The following KAZN variants were observed in gnomAD, a reference collection of about 807,000 sequenced individuals.
KAZN encodes kazrin.
In KAZN, 40 loss-of-function variants were observed where a neutral mutation model predicts 87.4. The observed-to-expected ratio is 0.46, with a 90% CI of 0.36 to 0.60. KAZN has a LOEUF of 0.60. KAZN is among the 20% of genes least tolerant of loss of function. The pLI, the probability that KAZN is intolerant of heterozygous loss-of-function variation, is 0.00. For synonymous variants in KAZN, 466 were observed against 458.3 expected (o/e 1.02, Z -0.22); for missense variants, 898 against 1,073.9 (o/e 0.84, Z 2.29).
chr1:15,044,397 C>G (rs985889185), intron 4 of KAZN, among the ~76,000 whole-genome samples: 7 of 152,100 alleles, frequency 4.6e-5, no homozygotes, highest in African/African-American at 1.7e-4. Context: ...TGCCTTGGGC[C>G]CAGGGAGTGT....
intron 2 of KAZN, among the ~76,000 whole-genome samples, chr1:14,465,265 G>A (rs1668059695): frequency 6.6e-6 from 1 of 152,002 alleles, no homozygotes; most frequent in Non-Finnish European, 1.5e-5. Context: ...CAGGCATGGT[G>A]GAGGGCGCCT....
chr1:14,911,166 G>A (rs749444170), intron 1 of KAZN, among the ~76,000 whole-genome samples: 4 of 152,312 alleles, frequency 2.6e-5, no homozygotes, highest in Non-Finnish European at 4.4e-5. Flanking sequence ...TCTAAATTCC[G>A]AGGGAGAGAG....
rs797001404 is a variant in KAZN, at chr1:14,133,373, AAAAAAAAG to A, written c.92-47058_92-47051del. Among the ~76,000 whole-genome samples, 74 of 72,952 alleles carry A rather than the reference AAAAAAAAG, an allele frequency of 1.0e-3. 2 individuals carry two copies. The East Asian group carries it at 0.035, about 34-fold the overall frequency. 47.9% of individuals were successfully genotyped at this position (72,952 alleles called of 152,430 possible). A position where few individuals can be genotyped will look rare whatever the true frequency, so the allele number is the denominator to read the frequency against. On this transcript the variant is annotated intron_variant, in intron 1 of 16. Coordinates refer to the KAZN transcript ENST00000636203. ...AGAGTGAGACTCCCTCTCAAAAAAA[AAAAAAAAG>A]AAAGAAAGAAAGAAAGAAAGAAAGA...
rs1051708781 is a variant in KAZN, at chr1:15,104,121, C to T, written c.1980C>T (p.Ile660=). Reference sequence around the variant, plus strand: ...AGGCCATGGCCACTGCCCTGGGCATCCCCAGTGGGAAGCACATCCTCCGGA... The same window carrying T: ...AGGCCATGGCCACTGCCCTGGGCATTCCCAGTGGGAAGCACATCCTCCGGA... ...NAEAMATALG[I]PSGKHILRRH... The change falls in exon 13 of 15, where the codon ATC becomes ATT. Residue 660 remains isoleucine, a synonymous_variant. Transcript: ENST00000376030. 3.7e-6 allele frequency: 6 copies of T among 1,610,416 alleles called. No homozygotes were observed. Among genetic ancestry groups the T allele is most frequent in the East Asian group, 2.2e-5 (1 of 44,776 alleles).
chr1:14,364,310 A>G (rs958616682), intron 2 of KAZN, among the ~76,000 whole-genome samples: 1 of 152,100 alleles, frequency 6.6e-6, no homozygotes, highest in Admixed American at 6.5e-5. Context: ...CGATTTACTA[A>G]TCTATGCCTC....
chr1:14,595,116 C>G (rs946841233), upstream of KAZN, among the ~76,000 whole-genome samples: 3 of 148,254 alleles, frequency 2.0e-5, no homozygotes, highest in Non-Finnish European at 3.0e-5. Context: ...TATGCTCCAG[C>G]CTGGGAGACA....
intron 1 of KAZN, among the ~76,000 whole-genome samples, chr1:14,713,775 C>CAAAAAAAAAA (rs58947119): frequency 1.4e-4 from 13 of 94,616 alleles, no homozygotes; most frequent in African/African-American, 4.2e-4. Context: ...CTCATCTCTA[C>CAAAAAAAAAA]AAAAAAAAAA....
At chr1:14,622,912 A>G (rs1678826496) in intron 1 of KAZN, among the ~76,000 whole-genome samples, 1 of 146,216 alleles carries the variant, frequency 6.8e-6, no homozygotes, top group Non-Finnish European at 1.5e-5. Flanking sequence ...TTCTTTGGGT[A>G]TCAGTGTTCT....
rs570576163 is a variant in KAZN at position 14,723,281 on chromosome 1, G to A, written c.226+124058G>A. On this transcript the variant is annotated intron_variant, in intron 1 of 14. Transcript: ENST00000376030. Reference sequence around the variant, plus strand: ...TCTACCTGCTGTCTGCCCCCACACTGTCCCCAGAAAGGTCTTCTTACAGCC... The same window carrying A: ...TCTACCTGCTGTCTGCCCCCACACTATCCCCAGAAAGGTCTTCTTACAGCC... Among the ~76,000 whole-genome samples the A allele has an allele frequency of 3.9e-5, 6 of 152,144 alleles. No individual in the cohort carries two copies. The South Asian group carries it at 1.0e-3, about 26-fold the overall frequency.
intron 2 of KAZN, among the ~76,000 whole-genome samples, chr1:14,225,874 G>T (rs1422978612): frequency 1.3e-5 from 2 of 152,078 alleles, no homozygotes; most frequent in Non-Finnish European, 2.9e-5. Flanking sequence ...ATGGATTAAG[G>T]ACTTAAGTGT....
intron 2 of KAZN, among the ~76,000 whole-genome samples, chr1:14,447,106 T>C (rs944757985): frequency 3.3e-5 from 5 of 151,956 alleles, no homozygotes; most frequent in Non-Finnish European, 7.4e-5. Context: ...CCCATATTTA[T>C]GTCCATGTGT....
At chr1:14,004,178 A>G (rs1000451769) in intron 1 of KAZN, among the ~76,000 whole-genome samples, 2 of 152,342 alleles carry the variant, frequency 1.3e-5, no homozygotes, top group East Asian at 3.9e-4. Flanking sequence ...ATATACAACT[A>G]TGCCCACACC....
At chr1:14,693,649 G>A (rs1641445969) in intron 1 of KAZN, among the ~76,000 whole-genome samples, 1 of 152,180 alleles carries the variant, frequency 6.6e-6, no homozygotes, top group Non-Finnish European at 1.5e-5. Flanking sequence ...AGTGTGTGTT[G>A]TGCGTGATTC....
chr1:14,830,173 T>A (rs977602412), intron 1 of KAZN, among the ~76,000 whole-genome samples: 23 of 152,186 alleles, frequency 1.5e-4, no homozygotes, highest in African/African-American at 5.1e-4. Flanking sequence ...CATGAATCTG[T>A]CTCTCTTTTT....
In KAZN at chr1:14,581,452, T is replaced by G. The variant is rs150628945; in HGVS notation, c.250-17531T>G. ...ATCACCACCTTTTAAACCACCGTGG[T>G]ACCCTGCTAGATATGGCAACAGCTG... On this transcript the variant is annotated intron_variant, in intron 2 of 16. Transcript: ENST00000636203. Among the ~76,000 whole-genome samples the G allele has an allele frequency of 1.5e-3, 232 of 152,304 alleles. 1 individual carries two copies. The highest frequency in any genetic ancestry group is 5.5e-3 in the African/African-American group (227 of 41,570).
intron 2 of KAZN, among the ~76,000 whole-genome samples, chr1:14,237,967 C>CT (rs1648580356): frequency 6.6e-6 from 1 of 152,200 alleles, no homozygotes; most frequent in Non-Finnish European, 1.5e-5. Flanking sequence ...GGCCTTTCTT[C>CT]TTTTCTAATA....
At chr1:14,051,618 T>C (rs1642332891) in intron 1 of KAZN, among the ~76,000 whole-genome samples, 1 of 152,138 alleles carries the variant, frequency 6.6e-6, no homozygotes. Context: ...TTTGGGAGGA[T>C]CGCTTCAGTC....
Position 14,184,614 on chromosome 1 carries a change from C to T in KAZN, c.249+4022C>T, listed in dbSNP as rs1046913536. ...ATTTGGGTGGCTTCGTTTTTCTTTT[C>T]TCTTTTTAAAAGAGCTGTCTAGCAA... On this transcript the variant is annotated intron_variant, in intron 2 of 16. Coordinates refer to the KAZN transcript ENST00000636203. The surrounding 1 kb of genome is among the most constrained non-coding windows in gnomAD (Gnocchi z 4.2). Among the ~76,000 whole-genome samples the T allele has an allele frequency of 6.6e-6, 1 of 152,188 alleles. No homozygotes were observed. Among genetic ancestry groups the T allele is most frequent in the East Asian group, 1.9e-4 (1 of 5,144 alleles).
At chr1:14,985,245 T>TGGGAGGCCAA (rs1666674449) in intron 2 of KAZN, among the ~76,000 whole-genome samples, 6 of 142,380 alleles carry the variant, frequency 4.2e-5, no homozygotes, top group African/African-American at 1.6e-4. Context: ...CCCAGAACTT[T>TGGGAGGCCAA]GGTGGGAGGC....
Sources: gnomAD v4.1 joint callset for allele counts (sites outside exome capture counted in the v4.1 genomes callset) on GRCh38, gnomAD v4.1.1 for gene constraint, Gnocchi (gnomAD v3.1) non-coding constraint, MANE v1.5 for transcripts, NCBI Gene and HGNC (gene_info 2026-07-23, HGNC 2026-07-21) for gene names.